The following AP5B1 variants were observed in gnomAD, a reference collection of about 807,000 sequenced individuals.
The protein encoded by AP5B1 is adaptor related protein complex 5 subunit beta 1.
Under a neutral mutation model 5.7 loss-of-function variants are expected in AP5B1, and 3 were observed. The ratio of observed to expected loss-of-function variants is 0.53; its 90% CI spans 0.24 to 1.36. The LOEUF (loss-of-function observed/expected upper bound fraction) is 1.36, where lower values mean the gene tolerates loss of function less well. AP5B1 is among the 40% of genes most tolerant of loss of function. The probability of loss-of-function intolerance (pLI) is 0.17; values close to 1 mark genes in which losing one functional copy is unlikely to be tolerated. For synonymous variants in AP5B1, 696 were observed against 555.5 expected (o/e 1.25, Z -3.56); for missense variants, 1,310 against 1,143.2 (o/e 1.15, Z -2.10).
chr11:65,779,834 C>A lies in AP5B1; in HGVS notation c.659G>T (p.Gly220Val). The change falls in exon 2 of 2, where the codon GGT (glycine) becomes GTT (valine). Residue 220 changes from glycine to valine, a missense_variant. By Grantham distance (109) the Gly-to-Val change is moderately radical (BLOSUM62 -3). Coordinates refer to ENST00000532090, the MANE Select transcript of AP5B1 (RefSeq NM_138368.5). ...CACTAGTGTCCAATCCCAGGGACCACCCCCAGTTGGGGAGACCTTATCCGT... is the reference window on the plus strand; with the variant it reads ...CACTAGTGTCCAATCCCAGGGACCAACCCCAGTTGGGGAGACCTTATCCGT... The part of the protein sequence containing the change: ...LLTDKVSPTG[G>V]GPWDWTLVEE... The A allele has an allele frequency of 6.3e-7, 1 of 1,590,270 alleles. No homozygotes were observed. The highest frequency in any genetic ancestry group is 2.2e-5 in the East Asian group (1 of 44,798).
At position 65,780,109 on chromosome 11, in the gene AP5B1, G is replaced by A. The variant is rs950307863; in HGVS notation, c.384C>T (p.Ala128=). The A allele has an allele frequency of 7.3e-6, 11 of 1,511,796 alleles. No homozygotes were observed. Among genetic ancestry groups the A allele is most frequent in the South Asian group, 2.5e-5 (2 of 79,928 alleles). 93.6% of individuals were successfully genotyped at this position (1,511,796 alleles called of 1,614,324 possible). The change falls in exon 2 of 2, where the codon GCC becomes GCT. Residue 128 remains alanine, a synonymous_variant. Coordinates refer to ENST00000532090, the MANE Select transcript of AP5B1 (RefSeq NM_138368.5). The part of the protein sequence containing the change: ...CRLLPLLLGL[A]AGSDLGRGFV... The stretch of plus-strand genomic sequence containing the variant: ...AGCCTCGCCCCAGATCGCTACCCGC[G>A]GCCAGGCCGAGCAGTAGGGGCAGGA...
In AP5B1 at chr11:65,777,972, G is replaced by A. The variant is rs372341819; in HGVS notation, c.2521C>T (p.Leu841=). 2,352 of 1,603,844 alleles carry A rather than the reference G, an allele frequency of 1.5e-3. 2 individuals carry two copies. The highest frequency in any genetic ancestry group is 1.8e-3 in the Non-Finnish European group (2,101 of 1,175,864). Residue 841 remains leucine (L), a synonymous_variant, in exon 2 of 2, where the codon CTG becomes TTG. Coordinates refer to ENST00000532090, the MANE Select transcript of AP5B1 (RefSeq NM_138368.5). ...GCCAGGGCCGCCTCCAGCCGCAGCA[G>A]CAGCTTTGAGTCCGGGGGCAGGTGG... is the stretch of plus-strand genomic sequence containing the variant. ...AIHLPPDSKL[L]LRLEAALADG...
Position 65,778,999 on chromosome 11 carries a change from G to A in AP5B1, c.1494C>T (p.Pro498=), listed in dbSNP as rs763063787. ...GGTCCACAAAGTGGGGAGCCAGCAT[G>A]GGCCGGGCTTGGTACAGCTGGGCCA... ...HGLAQLYQAR[P]MLAPHFVDLL... is the part of the protein sequence containing the mutation. The change falls in exon 2 of 2, where the codon CCC becomes CCT. Residue 498 remains proline (P), a synonymous_variant. Coordinates refer to ENST00000532090, the MANE Select transcript of AP5B1 (RefSeq NM_138368.5). The A allele has an allele frequency of 6.8e-6, 11 of 1,611,530 alleles. No individual in the cohort carries two copies. Among genetic ancestry groups the A allele is most frequent in the Non-Finnish European group, 9.3e-6 (11 of 1,179,182 alleles).
In AP5B1 at chr11:65,775,400, C is replaced by T. The variant is rs1267296859; in HGVS notation, c.*2456G>A. Among the ~76,000 whole-genome samples the T allele has an allele frequency of 2.6e-5, 4 of 152,282 alleles. No homozygotes were observed. In the East Asian group the frequency reaches 5.8e-4, roughly 22 times the overall value. ...CTGGATTCCCTTGCCACTGGAGTTC[C>T]GTGGAAGAGAGAAATGGAGTCCACT... On this transcript the variant is annotated 3_prime_UTR_variant, in exon 2 of 2. Transcript: ENST00000532090.
Position 65,774,334 on chromosome 11 carries a change from G to A in AP5B1, c.*3522C>T, listed in dbSNP as rs190450018. Among the ~76,000 whole-genome samples, 376 of 152,270 alleles carry A rather than the reference G, an allele frequency of 2.5e-3. 1 individual carries two copies. The highest frequency in any genetic ancestry group is 8.1e-3 in the African/African-American group (337 of 41,550). ...CCATCTCAACATGTACTTCCCCAAC[G>A]GTCATGGCAGAGGAAGAGAGGGCTG... On this transcript the variant is annotated 3_prime_UTR_variant, in exon 2 of 2. Transcript: ENST00000532090.
In AP5B1 at chr11:65,776,356, T is replaced by C. The variant is rs10896043; in HGVS notation, c.*1500A>G. 0.18 allele frequency: 27,754 copies of C among 152,142 alleles called. 2,689 individuals are homozygous for C. The highest frequency in any genetic ancestry group is 0.22 in the African/African-American group (9,140 of 41,484). The allele number at this position is 152,142 out of a possible 1,614,324, so 9.4% of individuals were successfully genotyped here. On this transcript the variant is annotated 3_prime_UTR_variant, in exon 2 of 2. Transcript: ENST00000532090. Reference sequence around the variant, plus strand: ...CTGGCTGAGGTCTGCTCTGATGGCATGGTAATGGAAACCTGCTACCAGATG... The same window carrying C: ...CTGGCTGAGGTCTGCTCTGATGGCACGGTAATGGAAACCTGCTACCAGATG...
In AP5B1 at chr11:65,778,881, A is replaced by G. The variant is rs1249377299; in HGVS notation, c.1612T>C (p.Cys538Arg). Residue 538 changes from cysteine to arginine, a missense_variant, in exon 2 of 2, where the codon TGC (cysteine) becomes CGC (arginine). Transcript: ENST00000532090. Reference sequence around the variant, plus strand: ...TTTGCCAGCATTTGCAGGTGCCAGCAAAGAGCTTCATCCCTGCCCGGCCTG... The same window carrying G: ...TTTGCCAGCATTTGCAGGTGCCAGCGAAGAGCTTCATCCCTGCCCGGCCTG... The part of the protein sequence containing the change: ...VSRPGRDEAL[C>R]WHLQMLAKVA... 1.2e-6 allele frequency: 2 copies of G among 1,610,318 alleles called. No individual in the cohort carries two copies. Among genetic ancestry groups the G allele is most frequent in the East Asian group, 2.2e-5 (1 of 44,888 alleles).
chr11:65,778,510 C>A lies in AP5B1; in HGVS notation c.1983G>T (p.Pro661=). Residue 661 remains proline (P), a synonymous_variant, in exon 2 of 2, where the codon CCG becomes CCT. Transcript: ENST00000532090. The part of the protein sequence containing the change: ...FVAALMVQEA[P]ALVRLSLGSH... The stretch of plus-strand genomic sequence containing the variant: ...ACCCCAGGCTCAGCCGTACCAGGGC[C>A]GGTGCCTCCTGCACCATCAGTGCTG... 1 of 1,573,686 alleles carries A rather than the reference C, an allele frequency of 6.4e-7. No homozygotes were observed. The highest frequency in any genetic ancestry group is 8.6e-7 in the Non-Finnish European group (1 of 1,163,952).
rs188640290 is a variant in AP5B1 at position 65,775,817 on chromosome 11, G to C, written c.*2039C>G. The C allele has an allele frequency of 6.6e-5, 10 of 152,212 alleles. No individual in the cohort carries two copies. The highest frequency in any genetic ancestry group is 2.2e-4 in the African/African-American group (9 of 41,452). 9.4% of individuals were successfully genotyped at this position (152,212 alleles called of 1,614,324 possible). ...ATGACTTGCCGAGGTGACAAAGCAA[G>C]TTATTGCCACATCTCAAGTTTGAGA... On this transcript the variant is annotated 3_prime_UTR_variant, in exon 2 of 2. Coordinates refer to ENST00000532090, the MANE Select transcript of AP5B1 (RefSeq NM_138368.5).
chr11:65,780,111 C>A lies in AP5B1; in HGVS notation c.382G>T (p.Ala128Ser). 1 of 1,507,622 alleles carries A rather than the reference C, an allele frequency of 6.6e-7. No homozygotes were observed. The allele number at this position is 1,507,622 out of a possible 1,614,324, so 93.4% of individuals were successfully genotyped here. Reference sequence around the variant, plus strand: ...CCTCGCCCCAGATCGCTACCCGCGGCCAGGCCGAGCAGTAGGGGCAGGAGC... The same window carrying A: ...CCTCGCCCCAGATCGCTACCCGCGGACAGGCCGAGCAGTAGGGGCAGGAGC... ...CRLLPLLLGL[A>S]AGSDLGRGFV... The change falls in exon 2 of 2, where the codon GCC (alanine) becomes TCC (serine). Residue 128 changes from alanine to serine, a missense_variant. Coordinates refer to ENST00000532090, the MANE Select transcript of AP5B1 (RefSeq NM_138368.5).
rs1857786126 is a variant in AP5B1 at position 65,777,960 on chromosome 11, C to G, written c.2533G>C (p.Glu845Gln). 6 of 1,593,312 alleles carry G rather than the reference C, an allele frequency of 3.8e-6. No individual in the cohort carries two copies. The highest frequency in any genetic ancestry group is 1.8e-5 in the Admixed American group (1 of 55,822). Reference sequence around the variant, plus strand: ...GGCACTCCATCTGCCAGGGCCGCCTCCAGCCGCAGCAGCAGCTTTGAGTCC... The same window carrying G: ...GGCACTCCATCTGCCAGGGCCGCCTGCAGCCGCAGCAGCAGCTTTGAGTCC... ...PPDSKLLLRL[E>Q]AALADGVPVA... The change falls in exon 2 of 2, where the codon GAG becomes CAG. Residue 845 changes from glutamate (E) to glutamine (Q), a missense_variant. Physicochemically the swap from Glu to Gln is conservative, Grantham distance 29. Transcript: ENST00000532090.
At position 65,780,092 on chromosome 11, in the gene AP5B1, C is replaced by T; in HGVS notation, c.401G>A (p.Gly134Glu). Residue 134 changes from glycine to glutamate, a missense_variant, in exon 2 of 2, where the codon GGG becomes GAG. Coordinates refer to ENST00000532090, the MANE Select transcript of AP5B1 (RefSeq NM_138368.5). Reference sequence around the variant, plus strand: ...TTCCGAGGCGGGGACAAAGCCTCGCCCCAGATCGCTACCCGCGGCCAGGCC... The same window carrying T: ...TTCCGAGGCGGGGACAAAGCCTCGCTCCAGATCGCTACCCGCGGCCAGGCC... ...LLGLAAGSDL[G>E]RGFVPASEQR... is the part of the protein sequence containing the mutation. 4 of 1,526,158 alleles carry T rather than the reference C, an allele frequency of 2.6e-6. No homozygotes were observed. The highest frequency in any genetic ancestry group is 1.2e-5 in the South Asian group (1 of 82,150). 94.5% of individuals were successfully genotyped at this position (1,526,158 alleles called of 1,614,324 possible).
rs879942298 is a variant in AP5B1, at chr11:65,777,997, G to C, written c.2496C>G (p.Ile832Met). 3.7e-6 allele frequency: 6 copies of C among 1,611,658 alleles called. No individual in the cohort carries two copies. Among genetic ancestry groups the C allele is most frequent in the Middle Eastern group, 1.6e-4 (1 of 6,080 alleles). The change falls in exon 2 of 2, where the codon ATC (isoleucine) becomes ATG (methionine). Residue 832 changes from isoleucine to methionine, a missense_variant. Coordinates refer to ENST00000532090, the MANE Select transcript of AP5B1 (RefSeq NM_138368.5). The part of the protein sequence containing the change: ...AQPPTSYCVA[I>M]HLPPDSKLLL... ...GCAGCTTTGAGTCCGGGGGCAGGTG[G>C]ATTGCTACACAGTAGCTGGTAGGAG... is the stretch of plus-strand genomic sequence containing the variant.
Position 65,780,092 on chromosome 11 carries a change from C to G in AP5B1, c.401G>C (p.Gly134Ala). 5 of 1,526,158 alleles carry G rather than the reference C, an allele frequency of 3.3e-6. No individual in the cohort carries two copies. The highest frequency in any genetic ancestry group is 4.4e-6 in the Non-Finnish European group (5 of 1,135,962). The allele number at this position is 1,526,158 out of a possible 1,614,324, so 94.5% of individuals were successfully genotyped here. A position where few individuals can be genotyped will look rare whatever the true frequency, so the allele number is the denominator to read the frequency against. The change falls in exon 2 of 2, where the codon GGG becomes GCG. Residue 134 changes from glycine to alanine, a missense_variant. Coordinates refer to ENST00000532090, the MANE Select transcript of AP5B1 (RefSeq NM_138368.5). The stretch of plus-strand genomic sequence containing the variant: ...TTCCGAGGCGGGGACAAAGCCTCGC[C>G]CCAGATCGCTACCCGCGGCCAGGCC... Reference protein sequence around the residue: ...LLGLAAGSDLGRGFVPASEQR... With the variant: ...LLGLAAGSDLARGFVPASEQR...
rs1857783015 is a variant in AP5B1, at chr11:65,777,777, G to C, written c.*79C>G. On this transcript the variant is annotated 3_prime_UTR_variant, in exon 2 of 2. Transcript: ENST00000532090. ...CAGCGAGGGCACTGCGGAATGCAGG[G>C]TTTTGGCGACAGAGCTACAGGAGTG... 1 of 1,416,172 alleles carries C rather than the reference G, an allele frequency of 7.1e-7. No individual in the cohort carries two copies. The highest frequency in any genetic ancestry group is 9.3e-7 in the Non-Finnish European group (1 of 1,076,462). The allele number at this position is 1,416,172 out of a possible 1,614,324, so 87.7% of individuals were successfully genotyped here.
In AP5B1 at chr11:65,780,332, A is replaced by G; in HGVS notation, c.161T>C (p.Leu54Pro). The G allele has an allele frequency of 6.8e-7, 1 of 1,473,630 alleles. No individual in the cohort carries two copies. The highest frequency in any genetic ancestry group is 9.0e-7 in the Non-Finnish European group (1 of 1,113,378). 91.3% of individuals were successfully genotyped at this position (1,473,630 alleles called of 1,614,324 possible). A position where few individuals can be genotyped will look rare whatever the true frequency, so the allele number is the denominator to read the frequency against. Residue 54 changes from leucine (L) to proline (P), a missense_variant, in exon 2 of 2, where the codon CTG becomes CCG. Transcript: ENST00000532090. ...CGCAGGGTACTCCATGCTCAGGGCC[A>G]GCAGGGAAACCTGGATGGGGGATTA... ...KLSEQTKVSL[L>P]ALSMEYPAQL...
chr11:65,774,649 T>A lies in AP5B1; in HGVS notation c.*3207A>T, dbSNP rs1857744723. ...GTCTCAAATTCTTCACCTCAGGTAA[T>A]CAACCCACCTCGGCCTCCCAAAATG... On this transcript the variant is annotated 3_prime_UTR_variant, in exon 2 of 2. Coordinates refer to ENST00000532090, the MANE Select transcript of AP5B1 (RefSeq NM_138368.5). 6.6e-6 allele frequency among the ~76,000 whole-genome samples: 1 copy of A among 152,172 alleles called. No individual in the cohort carries two copies. Among genetic ancestry groups the A allele is most frequent in the Non-Finnish European group, 1.5e-5 (1 of 68,028 alleles).
At position 65,778,515 on chromosome 11, in the gene AP5B1, C is replaced by G; in HGVS notation, c.1978G>C (p.Ala660Pro). The G allele has an allele frequency of 3.8e-6, 6 of 1,573,516 alleles. No homozygotes were observed. Among genetic ancestry groups the G allele is most frequent in the Non-Finnish European group, 5.2e-6 (6 of 1,163,654 alleles). The change falls in exon 2 of 2, where the codon GCA becomes CCA. Residue 660 changes from alanine (A) to proline (P), a missense_variant. Ala to Pro is a conservative substitution (Grantham distance 27). Coordinates refer to ENST00000532090, the MANE Select transcript of AP5B1 (RefSeq NM_138368.5). ...AGGCTCAGCCGTACCAGGGCCGGTG[C>G]CTCCTGCACCATCAGTGCTGCCACA... ...GFVAALMVQEAPALVRLSLGS... is the reference protein window; with the variant it reads ...GFVAALMVQEPPALVRLSLGS...
Position 65,779,035 on chromosome 11 carries a change from C to T in AP5B1, c.1458G>A (p.Leu486=), listed in dbSNP as rs1482022389. ...LAGQPTVLTP[L]IHGLAQLYQA... is the part of the protein sequence containing the mutation. ...GGTACAGCTGGGCCAGTCCGTGGAT[C>T]AAGGGGGTCAGCACCGTAGGTTGCC... Residue 486 remains leucine (L), a synonymous_variant, in exon 2 of 2, where the codon TTG becomes TTA. Coordinates refer to ENST00000532090, the MANE Select transcript of AP5B1 (RefSeq NM_138368.5). 5.0e-6 allele frequency: 8 copies of T among 1,606,902 alleles called. No homozygotes were observed. The highest frequency in any genetic ancestry group is 6.8e-6 in the Non-Finnish European group (8 of 1,176,720).
Sources: gnomAD v4.1 joint callset for allele counts (sites outside exome capture counted in the v4.1 genomes callset) on GRCh38, gnomAD v4.1.1 for gene constraint, MANE v1.5 for transcripts, NCBI Gene and HGNC (gene_info 2026-07-23, HGNC 2026-07-21) for gene names.